Variants in SEC31A observed in about 807,000 individuals in gnomAD.
SEC31A encodes the protein protein transport protein Sec31A.
SEC31A carries 70 observed loss-of-function variants against 151.0 expected under a neutral mutation model. That is an observed-to-expected ratio of 0.46 (90% CI 0.38 to 0.57). The LOEUF (loss-of-function observed/expected upper bound fraction) is 0.57, where lower values mean the gene tolerates loss of function less well. Ranked by LOEUF, SEC31A falls within the 20% of genes least tolerant of loss-of-function variation. The pLI is 0.00. For missense variants in SEC31A, 1,330 were observed against 1,471.2 expected (o/e 0.90, Z 1.57); for synonymous variants, 475 against 505.9 (o/e 0.94, Z 0.82).
At chr4:82,829,206 T>C in intron 22 of SEC31A, 148 bp from the exon 23 acceptor site, 1 of 618,492 alleles carries the variant, frequency 1.6e-6, no homozygotes. Flanking sequence ...GGGATCACTA[T>C]GTAGCCCTGG....
intron 20 of SEC31A, among the ~76,000 whole-genome samples, chr4:82,847,862 A>G (rs1730583284): frequency 6.6e-6 from 1 of 152,260 alleles, no homozygotes; most frequent in Non-Finnish European, 1.5e-5. Context: ...AATAGAGAGT[A>G]TTCTAGAGAG....
At chr4:82,823,283 T>C (rs1214236476) in intron 25 of SEC31A, among the ~76,000 whole-genome samples, 1 of 152,236 alleles carries the variant, frequency 6.6e-6, no homozygotes, top group Non-Finnish European at 1.5e-5. Context: ...GTCATTCTTA[T>C]TCAGATGCTT....
At position 82,848,958 on chromosome 4, in the gene SEC31A, C is replaced by G; in HGVS notation, c.2348G>C (p.Arg783Pro). ...TCCTTGTGCTCTACAAAGTCTGTCA[C>G]GAAGCTGCATGATATTTGGCTAAAA... Reference protein sequence around the residue: ...NTNQPNIMQLRDRLCRAQGEP... With the variant: ...NTNQPNIMQLPDRLCRAQGEP... Residue 783 changes from arginine to proline, a missense_variant, in exon 20 of 27, where the codon CGT becomes CCT. Physicochemically the swap from Arg to Pro is moderately radical, Grantham distance 103. Transcript: ENST00000395310. The G allele has an allele frequency of 6.2e-7, 1 of 1,613,128 alleles. No homozygotes were observed. Among genetic ancestry groups the G allele is most frequent in the South Asian group, 1.1e-5 (1 of 90,936 alleles).
At chr4:82,859,200 T>C (rs1733502615) in intron 14 of SEC31A, among the ~76,000 whole-genome samples, 1 of 152,142 alleles carries the variant, frequency 6.6e-6, no homozygotes, top group Non-Finnish European at 1.5e-5. Context: ...TACACTTAAA[T>C]TCAAGTATAC....
At chr4:82,891,164 C>G, upstream of SEC31A, 1 of 1,535,640 alleles carries the variant, frequency 6.5e-7, no homozygotes, top group Non-Finnish European at 8.7e-7. Context: ...GCCGCCGCCC[C>G]TCCTCCCCGG....
At chr4:82,893,093 G>GT (rs1719913543), upstream of SEC31A, 1 of 152,160 alleles carries the variant, frequency 6.6e-6, no homozygotes, top group Non-Finnish European at 1.5e-5. Context: ...TTAGAGACAG[G>GT]TTTTTGCTGT....
chr4:82,857,059 C>G lies in SEC31A; in HGVS notation c.1774G>C (p.Asp592His). Residue 592 changes from aspartate (D) to histidine (H), a missense_variant, in exon 16 of 27, where the codon GAT becomes CAT. Asp to His is a moderately conservative substitution (Grantham distance 81). Coordinates refer to ENST00000395310, the MANE Select transcript of SEC31A (RefSeq NM_001077207.4). ...FESAVDLCLH[D>H]NRMADAIILA... is the part of the protein sequence containing the mutation. ...ATAATGGCATCGGCCATGCGGTTAT[C>G]ATGTAAACAAAGGTCAACAGCACTC... 1.2e-6 allele frequency: 2 copies of G among 1,614,100 alleles called. No homozygotes were observed. The highest frequency in any genetic ancestry group is 1.7e-6 in the Non-Finnish European group (2 of 1,180,002).
At chr4:82,871,567 G>C in intron 7 of SEC31A, 1 of 638,562 alleles carries the variant, frequency 1.6e-6, no homozygotes, top group South Asian at 1.9e-5. Flanking sequence ...CTTGAGGTCA[G>C]AAGTTTGAGA....
chr4:82,891,225 A>G, upstream of SEC31A: 1 of 1,497,824 alleles, frequency 6.7e-7, no homozygotes, highest in South Asian at 1.2e-5. Context: ...AGCCGCAGCC[A>G]CGCCCTGCGC....
At chr4:82,854,325 C>T (rs1054671819) in intron 17 of SEC31A, among the ~76,000 whole-genome samples, 15 of 147,782 alleles carry the variant, frequency 1.0e-4, no homozygotes, top group Middle Eastern at 3.6e-3. Flanking sequence ...ATTGTGCCAT[C>T]GCACTCCAGC....
At chr4:82,886,700 G>A (rs1430007015) in intron 1 of SEC31A, among the ~76,000 whole-genome samples, 1 of 152,110 alleles carries the variant, frequency 6.6e-6, no homozygotes. Context: ...CTGCCCTGAT[G>A]ATTCAATCCA....
chr4:82,822,252 T>G (rs1017347259), intron 25 of SEC31A, among the ~76,000 whole-genome samples: 1 of 152,002 alleles, frequency 6.6e-6, no homozygotes, highest in Non-Finnish European at 1.5e-5. Context: ...ATGAACAATA[T>G]ATTGCATGTC....
At chr4:82,883,969 AC>A in intron 1 of SEC31A, among the ~76,000 whole-genome samples, 1 of 144,660 alleles carries the variant, frequency 6.9e-6, no homozygotes, top group East Asian at 2.0e-4. Flanking sequence ...GTATTATTTG[AC>A]CATTTTTCTT....
In SEC31A at chr4:82,824,625, T is replaced by C. The variant is rs202083455; in HGVS notation, c.3341A>G (p.Asp1114Gly). 3.2e-5 allele frequency: 52 copies of C among 1,613,998 alleles called. No individual in the cohort carries two copies. Among genetic ancestry groups the C allele is most frequent in the Non-Finnish European group, 4.4e-5 (52 of 1,179,988 alleles). Residue 1114 changes from aspartate to glycine, a missense_variant, in exon 25 of 27, where the codon GAT (aspartate) becomes GGT (glycine). Coordinates refer to ENST00000395310, the MANE Select transcript of SEC31A (RefSeq NM_001077207.4). ...TKKITKKPIP[D>G]EHLILKTTFE... The stretch of plus-strand genomic sequence containing the variant: ...TGTGGTCTTTAGAATGAGGTGCTCA[T>C]CTGGAATAGGTTTCTTGGTAATTTT...
intron 1 of SEC31A, among the ~76,000 whole-genome samples, chr4:82,889,679 A>G (rs1394311484): frequency 6.6e-6 from 1 of 152,184 alleles, no homozygotes; most frequent in Non-Finnish European, 1.5e-5. Flanking sequence ...TGCTCTTCAC[A>G]GTTTACAAAT....
rs532413827 is a variant in SEC31A at position 82,820,779 on chromosome 4, G to A, written c.3483+258C>T. ...GTCAGCTACCTTATGGCCAACACAG[G>A]CCAGTTTGTATTTATACTCTTGTTA... On this transcript the variant is annotated intron_variant, in intron 26 of 26. Coordinates refer to ENST00000395310, the MANE Select transcript of SEC31A (RefSeq NM_001077207.4). Among the ~76,000 whole-genome samples the A allele has an allele frequency of 3.0e-4, 45 of 152,144 alleles. 1 individual carries two copies. In the South Asian group the frequency reaches 9.1e-3, roughly 31 times the overall value.
chr4:82,823,043 C>T (rs533991634), intron 25 of SEC31A, among the ~76,000 whole-genome samples: 27 of 152,172 alleles, frequency 1.8e-4, no homozygotes, highest in Non-Finnish European at 3.4e-4. Flanking sequence ...GGGGCAAGGG[C>T]AGCCGGACAG....
chr4:82,867,935 G>A (rs1175145230), intron 8 of SEC31A, among the ~76,000 whole-genome samples: 1 of 152,120 alleles, frequency 6.6e-6, no homozygotes, highest in Admixed American at 6.5e-5. Context: ...ACCCGGCCTA[G>A]GGCCAACTTT....
At chr4:82,853,363 C>G (rs567165470) in intron 18 of SEC31A, among the ~76,000 whole-genome samples, 2 of 152,292 alleles carry the variant, frequency 1.3e-5, no homozygotes, top group South Asian at 4.1e-4. Context: ...AAATCACAAC[C>G]ATGATTTTAC....
Sources: gnomAD v4.1 joint callset for allele counts (sites outside exome capture counted in the v4.1 genomes callset) on GRCh38, gnomAD v4.1.1 for gene constraint, MANE v1.5 for transcripts, NCBI Gene and HGNC (gene_info 2026-07-23, HGNC 2026-07-21) for gene names.